Variants in GPM6A observed in about 807,000 individuals in gnomAD.
The protein encoded by GPM6A is neuronal membrane glycoprotein M6-a.
A neutral mutation model predicts 32.1 loss-of-function variants in GPM6A; 7 were observed. That is an observed-to-expected ratio of 0.22 (90% CI 0.12 to 0.41). GPM6A has a LOEUF of 0.41. Ranked by LOEUF, GPM6A falls within the 10% of genes least tolerant of loss-of-function variation. The probability of loss-of-function intolerance (pLI) is 1.00; values close to 1 mark genes in which losing one functional copy is unlikely to be tolerated. For missense variants in GPM6A, 235 were observed against 347.2 expected (o/e 0.68, Z 2.57); for synonymous variants, 130 against 123.4 (o/e 1.05, Z -0.35).
At chr4:175,713,823 G>GC (rs1430310389) in intron 1 of GPM6A, among the ~76,000 whole-genome samples, 9 of 152,102 alleles carry the variant, frequency 5.9e-5, no homozygotes, top group Non-Finnish European at 1.2e-4. Flanking sequence ...CATTTTCACT[G>GC]CATTTTTTGC....
At chr4:175,852,660 A>T (rs1736295477) in intron 1 of GPM6A, among the ~76,000 whole-genome samples, 1 of 152,188 alleles carries the variant, frequency 6.6e-6, no homozygotes, top group Non-Finnish European at 1.5e-5. Context: ...AACAAAAGGA[A>T]TGGGGTTTGG....
intron 1 of GPM6A, among the ~76,000 whole-genome samples, chr4:175,984,629 A>T (rs781657815): frequency 1.3e-5 from 2 of 152,158 alleles, no homozygotes; most frequent in African/African-American, 2.4e-5. Flanking sequence ...AAAATTTGTC[A>T]GTATTTTTTA....
At chr4:175,811,194 T>C (rs774689951) in intron 1 of GPM6A, among the ~76,000 whole-genome samples, 1 of 152,138 alleles carries the variant, frequency 6.6e-6, no homozygotes, top group African/African-American at 2.4e-5. Context: ...TCACATAAAA[T>C]ACAGTTTTTT....
chr4:175,886,683 GAA>G (rs202060075), intron 1 of GPM6A, among the ~76,000 whole-genome samples: 4 of 145,168 alleles, frequency 2.8e-5, no homozygotes, highest in African/African-American at 1.0e-4. Context: ...ATACAACAGA[GAA>G]AAAAAAAGAG....
chr4:175,946,462 T>C (rs1158843549), intron 1 of GPM6A, among the ~76,000 whole-genome samples: 1 of 152,176 alleles, frequency 6.6e-6, no homozygotes, highest in Non-Finnish European at 1.5e-5. Context: ...AGACAAAAAC[T>C]AGTAGAAAAT....
chr4:175,983,012 G>T (rs940609592), intron 1 of GPM6A, among the ~76,000 whole-genome samples: 4 of 152,048 alleles, frequency 2.6e-5, no homozygotes, highest in African/African-American at 7.2e-5. Context: ...TTTTGTGGGA[G>T]TCATAGAACA....
intron 3 of GPM6A, among the ~76,000 whole-genome samples, chr4:175,671,165 C>T (rs1024910042): frequency 2.0e-5 from 3 of 151,906 alleles, no homozygotes; most frequent in African/African-American, 4.8e-5. Context: ...GCCCGGCCTG[C>T]TGCTTCAAAA....
intron 1 of GPM6A, among the ~76,000 whole-genome samples, chr4:175,707,008 C>T (rs1447304472): frequency 6.6e-6 from 1 of 152,160 alleles, no homozygotes; most frequent in Non-Finnish European, 1.5e-5. Context: ...TGAGGTTACC[C>T]TACATGGTCT....
upstream of GPM6A, among the ~76,000 whole-genome samples, chr4:175,816,587 T>A (rs1579535235): frequency 1.3e-5 from 2 of 152,320 alleles, no homozygotes; most frequent in South Asian, 4.1e-4. Flanking sequence ...GGAAAAATGT[T>A]CGTAGTCCCT....
Position 175,894,325 on chromosome 4 carries a change from C to G in GPM6A, c.-22-82076G>C, listed in dbSNP as rs146069225. Among the ~76,000 whole-genome samples, 478 of 152,166 alleles carry G rather than the reference C, an allele frequency of 3.1e-3. 4 individuals are homozygous for G. In the South Asian group the frequency reaches 0.044, roughly 14 times the overall value. On this transcript the variant is annotated intron_variant, in intron 1 of 7. Coordinates refer to the GPM6A transcript ENST00000280187. The stretch of plus-strand genomic sequence containing the variant: ...AGTCCAAGTGGGAAATCATCTATAT[C>G]TAATCTATAGGAAGATACTTCTGTA...
chr4:175,749,629 G>A (rs559384990), intron 1 of GPM6A, among the ~76,000 whole-genome samples: 49 of 152,116 alleles, frequency 3.2e-4, no homozygotes, highest in African/African-American at 9.4e-4. Flanking sequence ...CTCAAATATC[G>A]AAGCAGGGTA....
intron 4 of GPM6A, among the ~76,000 whole-genome samples, chr4:175,644,900 A>T (rs1483534823): frequency 6.6e-6 from 1 of 152,050 alleles, no homozygotes; most frequent in Non-Finnish European, 1.5e-5. Context: ...TGAGGTCAGG[A>T]GTTCAAGACC....
intron 4 of GPM6A, among the ~76,000 whole-genome samples, chr4:175,650,486 G>T (rs1741738885): frequency 6.6e-6 from 1 of 151,832 alleles, no homozygotes. Context: ...TTAATTTTTA[G>T]TACAGACAGG....
At chr4:175,854,569 G>C (rs934925963) in intron 1 of GPM6A, among the ~76,000 whole-genome samples, 2 of 152,140 alleles carry the variant, frequency 1.3e-5, no homozygotes, top group East Asian at 3.9e-4. Flanking sequence ...AAAGATCTCT[G>C]AAAGAGGGAA....
At chr4:175,900,779 C>A (rs1408085778) in intron 1 of GPM6A, among the ~76,000 whole-genome samples, 3 of 151,996 alleles carry the variant, frequency 2.0e-5, no homozygotes, top group Admixed American at 6.6e-5. Context: ...TGGTAGATAC[C>A]CCAAATAAAG....
chr4:175,748,883 T>C (rs1732207705), intron 1 of GPM6A, among the ~76,000 whole-genome samples: 1 of 152,222 alleles, frequency 6.6e-6, no homozygotes, highest in African/African-American at 2.4e-5. Flanking sequence ...CTAGATCTTC[T>C]GGATAACCCA....
chr4:175,715,475 G>C (rs1045374414), intron 1 of GPM6A, among the ~76,000 whole-genome samples: 2 of 152,110 alleles, frequency 1.3e-5, no homozygotes, highest in African/African-American at 2.4e-5. Flanking sequence ...GCCTCGAACT[G>C]CTGAGAACTT....
intron 1 of GPM6A, among the ~76,000 whole-genome samples, chr4:175,866,965 G>C (rs894387463): frequency 5.9e-5 from 9 of 152,124 alleles, no homozygotes; most frequent in African/African-American, 1.9e-4. Flanking sequence ...ATTCTACCAG[G>C]TATGCATTGT....
chr4:175,913,279 G>A (rs977786973), intron 1 of GPM6A, among the ~76,000 whole-genome samples: 6 of 152,092 alleles, frequency 3.9e-5, no homozygotes, highest in South Asian at 2.1e-4. Flanking sequence ...CACCCACTAT[G>A]TCTTCCAAGA....
Sources: allele counts gnomAD v4.1 joint callset (sites outside exome capture counted in the v4.1 genomes callset), GRCh38; gene constraint gnomAD v4.1.1; transcripts MANE v1.5; gene names NCBI Gene and HGNC (gene_info 2026-07-23, HGNC 2026-07-21).